The following WDHD1 variants were observed in gnomAD, a reference collection of about 807,000 sequenced individuals.
The protein encoded by WDHD1 is WD repeat and HMG-box DNA-binding protein 1.
A neutral mutation model predicts 135.4 loss-of-function variants in WDHD1; 111 were observed. That is an observed-to-expected ratio of 0.82 (90% confidence interval 0.70 to 0.96). The LOEUF (loss-of-function observed/expected upper bound fraction) is 0.96, where lower values mean the gene tolerates loss of function less well. Ranked by LOEUF, WDHD1 falls within the 40% of genes least tolerant of loss-of-function variation. WDHD1 has a pLI of 0.00. For missense variants in WDHD1, 1,351 were observed against 1,336.3 expected (o/e 1.01, Z -0.17); for synonymous variants, 434 against 439.0 (o/e 0.99, Z 0.14).
At chr14:55,006,146 G>C (rs1267508505) in intron 7 of WDHD1, among the ~76,000 whole-genome samples, 1 of 152,130 alleles carries the variant, frequency 6.6e-6, no homozygotes, top group Non-Finnish European at 1.5e-5. Context: ...TTATAGGTGT[G>C]AGCCACCACA....
chr14:54,946,444 T>G (rs985655406), intron 24 of WDHD1, among the ~76,000 whole-genome samples: 2 of 152,256 alleles, frequency 1.3e-5, no homozygotes, highest in Non-Finnish European at 2.9e-5. Context: ...GTAAGTTTTT[T>G]GTATAACCAA....
chr14:54,999,624 G>T (rs1595108490), intron 10 of WDHD1, among the ~76,000 whole-genome samples: 1 of 151,822 alleles, frequency 6.6e-6, no homozygotes. Context: ...TTTTAGATGG[G>T]GTATCACTGT....
chr14:55,026,290 A>T (rs922762815), intron 2 of WDHD1, among the ~76,000 whole-genome samples: 1 of 152,130 alleles, frequency 6.6e-6, no homozygotes, highest in Non-Finnish European at 1.5e-5. Context: ...TAGGAATCAG[A>T]GGAAAAAATT....
At chr14:54,978,188 A>T (rs1236429565) in intron 16 of WDHD1, among the ~76,000 whole-genome samples, 1 of 152,232 alleles carries the variant, frequency 6.6e-6, no homozygotes, top group Non-Finnish European at 1.5e-5. Flanking sequence ...CTATTAAGAT[A>T]GACTGTGAAT....
intron 4 of WDHD1, 57 bp from the exon 5 acceptor site, chr14:55,008,776 A>C: frequency 2.5e-6 from 3 of 1,220,752 alleles, no homozygotes; most frequent in Non-Finnish European, 3.5e-6. Context: ...GCCTCTCCTA[A>C]AAGCTATGAT....
chr14:55,013,598 T>C lies in WDHD1; in HGVS notation c.78-2A>G. On this transcript the variant is annotated splice_acceptor_variant, in intron 2 of 25. Transcript: ENST00000360586. LOFTEE classifies it high-confidence loss of function. The stretch of plus-strand genomic sequence containing the variant: ...TCACTTCCACAAGTCACAATAAAAC[T>C]GTGAAGAAAAGACACAAATTAAAGT... 1.9e-6 allele frequency: 3 copies of C among 1,611,662 alleles called. No individual in the cohort carries two copies. In the East Asian group the frequency reaches 6.7e-5, roughly 36 times the overall value.
At chr14:54,970,123 C>T (rs768916889) in intron 16 of WDHD1, among the ~76,000 whole-genome samples, 10 of 152,118 alleles carry the variant, frequency 6.6e-5, no homozygotes, top group Non-Finnish European at 1.0e-4. Flanking sequence ...GAAGCATTAC[C>T]CTTAAGAATT....
chr14:54,972,224 G>T (rs1008341749), intron 16 of WDHD1, among the ~76,000 whole-genome samples: 3 of 146,554 alleles, frequency 2.0e-5, no homozygotes, highest in African/African-American at 7.6e-5. Flanking sequence ...GCGGTGAGCC[G>T]AGATCACACC....
intron 24 of WDHD1, among the ~76,000 whole-genome samples, chr14:54,948,481 C>T (rs1231383030): frequency 6.6e-6 from 1 of 151,938 alleles, no homozygotes; most frequent in Non-Finnish European, 1.5e-5. Flanking sequence ...GATTGAACTA[C>T]AAGGCGGCAG....
At chr14:55,015,551 G>A (rs1349478393) in intron 2 of WDHD1, among the ~76,000 whole-genome samples, 3 of 152,054 alleles carry the variant, frequency 2.0e-5, no homozygotes, top group African/African-American at 7.2e-5. Context: ...CTTTCCTGAT[G>A]CAATGTGACT....
At chr14:54,956,926 A>G in intron 23 of WDHD1, 108 bp downstream of exon 23, 1 of 1,379,624 alleles carries the variant, frequency 7.2e-7, no homozygotes, top group Middle Eastern at 1.9e-4. Flanking sequence ...CTAGCAAGAC[A>G]ATTGTAAACA....
rs920598131 is a variant in WDHD1, at chr14:54,955,817, A to T, written c.2917-123T>A. On this transcript the variant is annotated intron_variant, in intron 23 of 25. Coordinates refer to ENST00000360586, the MANE Select transcript of WDHD1 (RefSeq NM_007086.4). ...TGAGAATTCTTATACTAACATGTGA[A>T]ATCTGGAGTTCTCAGTTGTAAATAA... is the stretch of plus-strand genomic sequence containing the variant. 6 of 924,744 alleles carry T rather than the reference A, an allele frequency of 6.5e-6. No individual in the cohort carries two copies. The East Asian group carries it at 2.0e-4, about 32-fold the overall frequency. The allele number at this position is 924,744 out of a possible 1,614,324, so 57.3% of individuals were successfully genotyped here.
intron 7 of WDHD1, 48 bp downstream of exon 7, chr14:55,007,232 A>T (rs9806068): frequency 0.055 from 17,693 of 323,862 alleles, 986 homozygotes; most frequent in African/African-American, 0.3. Flanking sequence ...CATCTCTAAT[A>T]AAAAAAAAAA....
chr14:54,949,105 C>A (rs182239534), intron 24 of WDHD1, among the ~76,000 whole-genome samples: 45 of 152,210 alleles, frequency 3.0e-4, no homozygotes, highest in South Asian at 4.1e-4. Flanking sequence ...CTCTCCCCCC[C>A]CAAAGGAACG....
intron 2 of WDHD1, among the ~76,000 whole-genome samples, chr14:55,023,890 G>C (rs1241027114): frequency 6.6e-6 from 1 of 152,072 alleles, no homozygotes; most frequent in Non-Finnish European, 1.5e-5. Context: ...GACTGCGGAT[G>C]GTCTGGAAAT....
intron 21 of WDHD1, among the ~76,000 whole-genome samples, chr14:54,961,307 C>T (rs1014127193): frequency 1.6e-4 from 24 of 151,838 alleles, no homozygotes; most frequent in Non-Finnish European, 4.4e-5. Context: ...AACAGAGTGA[C>T]ACCCCATCTC....
intron 24 of WDHD1, among the ~76,000 whole-genome samples, chr14:54,947,989 G>A (rs1331586322): frequency 6.6e-6 from 1 of 151,806 alleles, no homozygotes; most frequent in African/African-American, 2.4e-5. Flanking sequence ...GCCAAGGTGG[G>A]CAGATCACCT....
intron 12 of WDHD1, among the ~76,000 whole-genome samples, chr14:54,990,561 A>G (rs907622908): frequency 6.6e-6 from 1 of 150,846 alleles, no homozygotes; most frequent in Non-Finnish European, 1.5e-5. Flanking sequence ...GTGCCACTGC[A>G]CTCCAGCCTG....
chr14:54,987,272 CG>C lies in WDHD1; in HGVS notation c.1641del (p.Ala548LeufsTer57). 1 of 1,614,070 alleles carries C rather than the reference CG, an allele frequency of 6.2e-7. No individual in the cohort carries two copies. Among genetic ancestry groups the C allele is most frequent in the Non-Finnish European group, 8.5e-7 (1 of 1,180,010 alleles). ...AICLGQGWAA[A>X]ATSALLLRLF... is the part of the protein sequence containing the mutation. Reference sequence around the variant, plus strand: ...AATCGAAGAAGCAGGGCACTAGTAGCGGCAGCAGCCCATCCTTGACCGAGAC... The same window carrying C: ...AATCGAAGAAGCAGGGCACTAGTAGCGCAGCAGCCCATCCTTGACCGAGAC... On this transcript the variant is annotated frameshift_variant, in exon 14 of 26. Coordinates refer to ENST00000360586, the MANE Select transcript of WDHD1 (RefSeq NM_007086.4). LOFTEE classifies it high-confidence loss of function.
Sources: gnomAD v4.1 joint callset for allele counts (sites outside exome capture counted in the v4.1 genomes callset) on GRCh38, gnomAD v4.1.1 for gene constraint, MANE v1.5 for transcripts, NCBI Gene and HGNC (gene_info 2026-07-23, HGNC 2026-07-21) for gene names.